Variants in SCRN1 observed in about 807,000 individuals in gnomAD.
SCRN1 encodes secernin 1, also known as secernin-1.
A neutral mutation model predicts 43.3 loss-of-function variants in SCRN1; 19 were observed. That is an observed-to-expected ratio of 0.44 (90% CI 0.31 to 0.64). The LOEUF (loss-of-function observed/expected upper bound fraction) is 0.64. SCRN1 is among the 30% of genes least tolerant of loss of function. The probability of loss-of-function intolerance (pLI) is 0.09; values close to 1 mark genes in which losing one functional copy is unlikely to be tolerated. For synonymous variants in SCRN1, 183 were observed against 188.9 expected (o/e 0.97, Z 0.26); for missense variants, 447 against 524.1 (o/e 0.85, Z 1.44).
intron 6 of SCRN1, 121 bp downstream of exon 6, chr7:29,936,435 T>C (rs1787328973): frequency 1.2e-6 from 1 of 858,220 alleles, no homozygotes; most frequent in African/African-American, 1.7e-5. Context: ...TGAAGCTGAC[T>C]GAAAAACGTG....
In SCRN1 at chr7:29,920,164, C is replaced by A. The variant is rs1409927059; in HGVS notation, c.*3793G>T. The A allele has an allele frequency of 6.6e-6, 1 of 152,506 alleles. No individual in the cohort carries two copies. Among genetic ancestry groups the A allele is most frequent in the East Asian group, 1.9e-4 (1 of 5,186 alleles). The allele number at this position is 152,506 out of a possible 1,614,324, so 9.4% of individuals were successfully genotyped here. A position where few individuals can be genotyped will look rare whatever the true frequency, so the allele number is the denominator to read the frequency against. On this transcript the variant is annotated 3_prime_UTR_variant, in exon 8 of 8. Transcript: ENST00000242059. ...ATGCATTTAGAGACAATTCCAAGGG[C>A]AAGCACTGGATAGGGATATTATCTG...
At position 29,944,010 on chromosome 7, in the gene SCRN1, T is replaced by C. The variant is rs957350306; in HGVS notation, c.511A>G (p.Ile171Val). The C allele has an allele frequency of 1.2e-6, 2 of 1,614,090 alleles. No homozygotes were observed. Among genetic ancestry groups the C allele is most frequent in the African/African-American group, 2.7e-5 (2 of 74,934 alleles). The change falls in exon 4 of 8, where the codon ATA becomes GTA. Residue 171 changes from isoleucine to valine, a missense_variant. Transcript: ENST00000242059. ...TTCTCGGCAGCCCAGTACTTCCCTATGGTCTCGAGCACCCAGGCTTCATCA... is the reference window on the plus strand; with the variant it reads ...TTCTCGGCAGCCCAGTACTTCCCTACGGTCTCGAGCACCCAGGCTTCATCA... ...DRDEAWVLET[I>V]GKYWAAEKVT...
At chr7:29,976,017 T>TAA (rs1451083751) in intron 1 of SCRN1, among the ~76,000 whole-genome samples, 1 of 152,158 alleles carries the variant, frequency 6.6e-6, no homozygotes, top group Non-Finnish European at 1.5e-5. Flanking sequence ...AATGTAAAGG[T>TAA]ATCATGTAGC....
chr7:29,945,357 GATA>G (rs1787702139), intron 3 of SCRN1, among the ~76,000 whole-genome samples: 1 of 152,196 alleles, frequency 6.6e-6, no homozygotes, highest in Non-Finnish European at 1.5e-5. Context: ...CTATTCTCGT[GATA>G]GTGAATAAGA....
At chr7:29,983,164 C>CT (rs990328940) in intron 1 of SCRN1, among the ~76,000 whole-genome samples, 2 of 150,512 alleles carry the variant, frequency 1.3e-5, no homozygotes, top group South Asian at 2.1e-4. Context: ...TTGGTGTGAG[C>CT]TTTTTTTTTA....
intron 6 of SCRN1, among the ~76,000 whole-genome samples, chr7:29,932,316 C>T (rs924856356): frequency 6.6e-6 from 1 of 152,116 alleles, no homozygotes; most frequent in Non-Finnish European, 1.5e-5. Flanking sequence ...GCTCCAGTAA[C>T]AAAAAGCTGT....
At chr7:29,976,896 G>C (rs1788852858) in intron 1 of SCRN1, among the ~76,000 whole-genome samples, 2 of 152,234 alleles carry the variant, frequency 1.3e-5, no homozygotes. Context: ...CTCGTAACTA[G>C]GAGACCACAT....
chr7:29,931,802 C>A lies in SCRN1; in HGVS notation c.905+4754G>T, dbSNP rs1458714639. 2.0e-5 allele frequency among the ~76,000 whole-genome samples: 3 copies of A among 152,198 alleles called. No homozygotes were observed. In the East Asian group the frequency reaches 5.8e-4, roughly 29 times the overall value. On this transcript the variant is annotated intron_variant, in intron 6 of 7. Transcript: ENST00000242059. The stretch of plus-strand genomic sequence containing the variant: ...ATAAATCCCTGTTCAGAGGAAGCTG[C>A]TCAAATTTGAACCAATCTCAAATAA...
chr7:29,979,993 G>T (rs1788949620), intron 1 of SCRN1, among the ~76,000 whole-genome samples: 1 of 152,164 alleles, frequency 6.6e-6, no homozygotes, highest in Non-Finnish European at 1.5e-5. Flanking sequence ...TATGCAGTCA[G>T]GATAATTACT....
At chr7:29,972,510 G>C (rs1362181209) in intron 1 of SCRN1, among the ~76,000 whole-genome samples, 1 of 152,196 alleles carries the variant, frequency 6.6e-6, no homozygotes, top group Non-Finnish European at 1.5e-5. Context: ...TGAGGATATA[G>C]GCAACAGAAG....
At chr7:29,968,477 G>A (rs182330494) in intron 2 of SCRN1, among the ~76,000 whole-genome samples, 1 of 152,298 alleles carries the variant, frequency 6.6e-6, no homozygotes. Flanking sequence ...ATCGAAGAAA[G>A]GAGGAAAGGG....
chr7:29,986,958 T>C (rs1298625878), intron 1 of SCRN1, among the ~76,000 whole-genome samples: 1 of 152,004 alleles, frequency 6.6e-6, no homozygotes, highest in East Asian at 1.9e-4. Flanking sequence ...TCTCCTGACC[T>C]CGTGATCCGC....
chr7:29,978,648 G>A (rs575881026), intron 1 of SCRN1, among the ~76,000 whole-genome samples: 12 of 152,288 alleles, frequency 7.9e-5, no homozygotes, highest in African/African-American at 1.9e-4. Flanking sequence ...GCATGGTGTT[G>A]TGAATGTAAC....
At chr7:29,989,169 C>T (rs962504202) in intron 1 of SCRN1, 6 of 152,330 alleles carry the variant, frequency 3.9e-5, no homozygotes, top group African/African-American at 1.4e-4. Context: ...AGAGCCGGGC[C>T]GAAGGCGGCG....
chr7:29,968,854 C>T lies in SCRN1; in HGVS notation c.159+55G>A, dbSNP rs543561992. The stretch of plus-strand genomic sequence containing the variant: ...AAGCAAGAAGTTAGGGTTGTGCTAG[C>T]GGCAAAGCCAGAGAAAAGAGAGTGT... On this transcript the variant is annotated intron_variant, in intron 2 of 7. Transcript: ENST00000242059. 7.0e-5 allele frequency: 112 copies of T among 1,602,290 alleles called. 1 individual carries two copies. The African/African-American group carries it at 1.1e-3, about 16-fold the overall frequency.
intron 1 of SCRN1, among the ~76,000 whole-genome samples, chr7:29,977,548 G>A (rs1788870582): frequency 6.6e-6 from 1 of 152,182 alleles, no homozygotes; most frequent in Non-Finnish European, 1.5e-5. Context: ...AATTAGCTCA[G>A]ACTCATCAAG....
chr7:29,925,193 T>C (rs952651673), intron 7 of SCRN1, among the ~76,000 whole-genome samples: 1 of 152,148 alleles, frequency 6.6e-6, no homozygotes. Context: ...CTTTTTAGGC[T>C]GGCAGGGAGG....
chr7:29,963,345 G>A (rs970760360), intron 2 of SCRN1, among the ~76,000 whole-genome samples: 1 of 152,170 alleles, frequency 6.6e-6, no homozygotes, highest in Non-Finnish European at 1.5e-5. Context: ...GCTAAAGGGA[G>A]GAGTGGATAT....
At chr7:29,986,666 G>A (rs1789164675) in intron 1 of SCRN1, among the ~76,000 whole-genome samples, 1 of 151,068 alleles carries the variant, frequency 6.6e-6, no homozygotes, top group Non-Finnish European at 1.5e-5. Context: ...AATATCTTTG[G>A]CATATCTTCA....
Sources: allele counts gnomAD v4.1 joint callset (sites outside exome capture counted in the v4.1 genomes callset), GRCh38; gene constraint gnomAD v4.1.1; transcripts MANE v1.5; gene names NCBI Gene and HGNC (gene_info 2026-07-23, HGNC 2026-07-21).